GSDMC: variants seen among roughly 807,000 people sequenced by gnomAD.
GSDMC encodes gasdermin-C.
In GSDMC, 59 loss-of-function variants were observed where a neutral mutation model predicts 58.0. The observed-to-expected ratio is 1.02, with a 90% confidence interval of 0.82 to 1.26. The LOEUF is 1.26. Ranked by LOEUF, GSDMC falls within the 50% of genes most tolerant of loss-of-function variation. GSDMC has a pLI of 0.00. For missense variants in GSDMC, 659 were observed against 598.5 expected (o/e 1.10, Z -1.06); for synonymous variants, 241 against 220.2 (o/e 1.09, Z -0.83).
At position 129,760,588 on chromosome 8, in the gene GSDMC, G is replaced by T; in HGVS notation, c.678C>A (p.Ala226=). 1.3e-6 allele frequency: 2 copies of T among 1,586,908 alleles called. No individual in the cohort carries two copies. Among genetic ancestry groups the T allele is most frequent in the Non-Finnish European group, 1.7e-6 (2 of 1,155,950 alleles). The change falls in exon 6 of 14, where the codon GCC becomes GCA. Residue 226 remains alanine, a splice_region_variant and synonymous_variant. Coordinates refer to ENST00000276708, the MANE Select transcript of GSDMC (RefSeq NM_031415.3). The part of the protein sequence containing the change: ...KRKQLVIKEK[A]ILISDDDEQR... Reference sequence around the variant, plus strand: ...GTTCATCATCATCTGAGATGAGAATGGCTGAATGGAAAAGAAGAACTTCCA... The same window carrying T: ...GTTCATCATCATCTGAGATGAGAATTGCTGAATGGAAAAGAAGAACTTCCA...
intron 1 of GSDMC, among the ~76,000 whole-genome samples, chr8:129,781,978 A>T (rs1439386720): frequency 6.6e-6 from 1 of 152,236 alleles, no homozygotes; most frequent in East Asian, 1.9e-4. Flanking sequence ...TCACAGAACC[A>T]GTCTTAAAAC....
chr8:129,752,248 T>C, intron 7 of GSDMC, 101 bp from the exon 8 acceptor site: 1 of 870,670 alleles, frequency 1.1e-6, no homozygotes, highest in Non-Finnish European at 1.9e-6. Flanking sequence ...AACTCCTCTA[T>C]CCTCCCCTTA....
the GSDMC span, among the ~76,000 whole-genome samples, chr8:129,738,979 A>T: frequency 3.9e-5 from 6 of 152,214 alleles, no homozygotes; most frequent in African/African-American, 1.4e-4. Flanking sequence ...AAAAAGTCTG[A>T]GCTAGAGCTT....
At chr8:129,778,067 C>T (rs1354533762) in intron 1 of GSDMC, among the ~76,000 whole-genome samples, 2 of 152,072 alleles carry the variant, frequency 1.3e-5, no homozygotes, top group Non-Finnish European at 2.9e-5. Context: ...AGAGGGAAGG[C>T]GGGGCTTATG....
At chr8:129,779,835 A>C (rs2130571986) in intron 1 of GSDMC, among the ~76,000 whole-genome samples, 1 of 152,274 alleles carries the variant, frequency 6.6e-6, no homozygotes, top group African/African-American at 2.4e-5. Context: ...ATTCAAACAA[A>C]GAATTCAAAA....
At chr8:129,724,776 A>C in the GSDMC span, among the ~76,000 whole-genome samples, 1 of 152,194 alleles carries the variant, frequency 6.6e-6, no homozygotes, top group East Asian at 1.9e-4. Context: ...ATTAGAATTC[A>C]CATAATCCTC....
chr8:129,745,374 G>A (rs1205483943), downstream of GSDMC, among the ~76,000 whole-genome samples: 1 of 152,006 alleles, frequency 6.6e-6, no homozygotes, highest in East Asian at 1.9e-4. Context: ...GGTTCCCTAG[G>A]GATTCGTCTC....
At chr8:129,732,818 G>T in the GSDMC span, among the ~76,000 whole-genome samples, 1 of 152,194 alleles carries the variant, frequency 6.6e-6, no homozygotes, top group Admixed American at 6.5e-5. Context: ...TTGGACAGTG[G>T]GTGCAGCCCA....
downstream of GSDMC, among the ~76,000 whole-genome samples, chr8:129,743,802 T>A (rs1362397984): frequency 6.6e-6 from 1 of 152,200 alleles, no homozygotes; most frequent in Non-Finnish European, 1.5e-5. Context: ...CTACATCTTA[T>A]CCCTTCTACT....
Position 129,762,655 on chromosome 8 carries a change from T to C in GSDMC, c.647A>G (p.Lys216Arg). The change falls in exon 5 of 14, where the codon AAG becomes AGG. Residue 216 changes from lysine (K) to arginine (R), a missense_variant. Lys to Arg is a conservative substitution (Grantham distance 26). Coordinates refer to ENST00000276708, the MANE Select transcript of GSDMC (RefSeq NM_031415.3). ...TLQKGMVMAY[K>R]RKQLVIKEKA... is the part of the protein sequence containing the mutation. The stretch of plus-strand genomic sequence containing the variant: ...CTCCTTGATAACCAGCTGCTTTCTC[T>C]TATAAGCCATCACCATGCCTTTCTG... 1.9e-6 allele frequency: 3 copies of C among 1,613,334 alleles called. No homozygotes were observed. Among genetic ancestry groups the C allele is most frequent in the Non-Finnish European group, 2.5e-6 (3 of 1,179,226 alleles).
chr8:129,776,781 G>A (rs2034243851), intron 2 of GSDMC, among the ~76,000 whole-genome samples: 1 of 150,254 alleles, frequency 6.7e-6, no homozygotes, highest in Non-Finnish European at 1.5e-5. Flanking sequence ...TTGTTGTTTT[G>A]AGACAGTCTC....
In GSDMC at chr8:129,750,504, A is replaced by G. The variant is rs139154539; in HGVS notation, c.1010T>C (p.Val337Ala). ...IKTLAQLSKD[V>A]QDVMFYSILA... ...GATACTGTAGAACATGACATCCTGA[A>G]CATCCTTTGAGAGCTGAGCCAGTGT... The change falls in exon 11 of 14, where the codon GTT becomes GCT. Residue 337 changes from valine (V) to alanine (A), a missense_variant. By Grantham distance (64) the Val-to-Ala change is moderately conservative. Transcript: ENST00000276708. The G allele has an allele frequency of 2.5e-6, 4 of 1,613,722 alleles. No homozygotes were observed. The Admixed American group carries it at 6.7e-5, about 27-fold the overall frequency.
At chr8:129,714,918 C>T in the GSDMC span, among the ~76,000 whole-genome samples, 1 of 152,102 alleles carries the variant, frequency 6.6e-6, no homozygotes, top group African/African-American at 2.4e-5. Flanking sequence ...CGATTGAAAG[C>T]AAAAATTCTA....
At chr8:129,770,196 C>G (rs758009254) in intron 3 of GSDMC, among the ~76,000 whole-genome samples, 2 of 152,098 alleles carry the variant, frequency 1.3e-5, no homozygotes, top group African/African-American at 2.4e-5. Context: ...CAAAATTAAG[C>G]TGAAGGCCAG....
At chr8:129,766,424 C>A (rs1000271113) in intron 3 of GSDMC, among the ~76,000 whole-genome samples, 2 of 152,156 alleles carry the variant, frequency 1.3e-5, no homozygotes, top group Non-Finnish European at 2.9e-5. Context: ...CTACTCAAGG[C>A]ACCCATGGAG....
At chr8:129,784,472 GA>G (rs1018005468) in intron 1 of GSDMC, among the ~76,000 whole-genome samples, 1 of 151,522 alleles carries the variant, frequency 6.6e-6, no homozygotes, top group East Asian at 1.9e-4. Flanking sequence ...ACATACAAAT[GA>G]AAAAAAGGCA....
At chr8:129,756,155 G>T (rs1334539401) in intron 6 of GSDMC, among the ~76,000 whole-genome samples, 5 of 150,190 alleles carry the variant, frequency 3.3e-5, no homozygotes. Flanking sequence ...ATAAAGGGAT[G>T]GAAAAAGATA....
chr8:129,705,728 C>T, the GSDMC span: 1 of 152,128 alleles, frequency 6.6e-6, no homozygotes, highest in Non-Finnish European at 1.5e-5. Context: ...GGGACACAAC[C>T]AAACCATATC....
chr8:129,765,186 T>C (rs1411031674), intron 4 of GSDMC, among the ~76,000 whole-genome samples: 2 of 152,214 alleles, frequency 1.3e-5, no homozygotes, highest in Non-Finnish European at 2.9e-5. Flanking sequence ...TGCTTGAAGA[T>C]ACTCTGATCT....
Sources: allele counts gnomAD v4.1 joint callset (sites outside exome capture counted in the v4.1 genomes callset), GRCh38; gene constraint gnomAD v4.1.1; transcripts MANE v1.5; gene names NCBI Gene and HGNC (gene_info 2026-07-23, HGNC 2026-07-21).